The following CMTM4 variants were observed in gnomAD, a reference collection of about 807,000 sequenced individuals.
CMTM4 encodes the protein CKLF-like MARVEL transmembrane domain-containing protein 4.
Under a neutral mutation model 19.0 loss-of-function variants are expected in CMTM4, and 8 were observed. The observed-to-expected ratio is 0.42, with a 90% CI of 0.25 to 0.76. CMTM4 has a LOEUF of 0.76. Among genes scored for constraint, CMTM4 ranks in the 30% least tolerant of loss-of-function variants. The probability of loss-of-function intolerance (pLI) is 0.27; values close to 1 mark genes in which losing one functional copy is unlikely to be tolerated. For synonymous variants in CMTM4, 106 were observed against 121.1 expected, an observed-to-expected ratio of 0.88 and a Z score of 0.82; for missense variants, 228 against 290.2, an observed-to-expected ratio of 0.79 and a Z score of 1.56.
At chr16:66,635,245 T>A (rs2015968659) in intron 2 of CMTM4, among the ~76,000 whole-genome samples, 1 of 152,254 alleles carries the variant, frequency 6.6e-6, no homozygotes, top group South Asian at 2.1e-4. Context: ...TCTAGTTATC[T>A]TGAGGTTTTA....
In CMTM4 at chr16:66,627,008, T is replaced by A; in HGVS notation, c.364-3506A>T. Reference sequence around the variant, plus strand: ...GTCCCAGCTACTTGGAAGGCTGAGGTAGGAAGATTGTTTGAGCCCAGGAGG... The same window carrying A: ...GTCCCAGCTACTTGGAAGGCTGAGGAAGGAAGATTGTTTGAGCCCAGGAGG... On this transcript the variant is annotated intron_variant, in intron 2 of 3. Coordinates refer to ENST00000394106, the MANE Select transcript of CMTM4 (RefSeq NM_181521.3). 1.3e-5 allele frequency among the ~76,000 whole-genome samples: 2 copies of A among 151,670 alleles called. 1 individual carries two copies. The highest frequency in any genetic ancestry group is 3.9e-4 in the East Asian group (2 of 5,122).
chr16:66,643,652 T>C (rs1027111930), intron 1 of CMTM4, among the ~76,000 whole-genome samples: 6 of 152,224 alleles, frequency 3.9e-5, no homozygotes, highest in African/African-American at 1.4e-4. Flanking sequence ...GTTTTCTCCC[T>C]TTTTTGATGG....
intron 1 of CMTM4, among the ~76,000 whole-genome samples, chr16:66,662,290 G>A (rs1020052580): frequency 3.3e-5 from 5 of 152,134 alleles, no homozygotes; most frequent in Admixed American, 6.5e-5. Flanking sequence ...AGAGTTCAAA[G>A]CACCACAGAA....
intron 2 of CMTM4, among the ~76,000 whole-genome samples, chr16:66,634,626 TG>T (rs1217258751): frequency 4.6e-5 from 7 of 151,960 alleles, no homozygotes; most frequent in African/African-American, 1.7e-4. Flanking sequence ...GGGAACAGTG[TG>T]GGTAACATAA....
In CMTM4 at chr16:66,628,283, A is replaced by G. The variant is rs8058365; in HGVS notation, c.364-4781T>C. 2.0e-5 allele frequency among the ~76,000 whole-genome samples: 3 copies of G among 152,130 alleles called. No individual in the cohort carries two copies. The East Asian group carries it at 5.8e-4, about 29-fold the overall frequency. ...CTGCAAGAGGCCTTCCTCTTTTACT[A>G]ATCCTCCTCAGCACAGACCCTTTAC... On this transcript the variant is annotated intron_variant, in intron 2 of 3. Transcript: ENST00000394106.
the CMTM4 span, among the ~76,000 whole-genome samples, chr16:66,600,837 C>A: frequency 6.6e-6 from 1 of 152,306 alleles, no homozygotes; most frequent in East Asian, 1.9e-4. Context: ...TCAAGAAAGG[C>A]TTCTCTGAGG....
At chr16:66,668,527 ACTC>A (rs2016645831) in intron 1 of CMTM4, among the ~76,000 whole-genome samples, 3 of 152,092 alleles carry the variant, frequency 2.0e-5, no homozygotes, top group Admixed American at 1.3e-4. Flanking sequence ...ATTTGATTTA[ACTC>A]CTCATTTTTG....
intron 1 of CMTM4, among the ~76,000 whole-genome samples, chr16:66,683,180 T>TATATAC (rs1491498902): frequency 1.8e-4 from 15 of 85,664 alleles, no homozygotes; most frequent in East Asian, 4.0e-4. Flanking sequence ...TATATACATA[T>TATATAC]GTATATATAT....
At position 66,616,321 on chromosome 16, in the gene CMTM4, T is replaced by G. The variant is rs1274435882; in HGVS notation, c.*5737A>C. 2.0e-5 allele frequency: 3 copies of G among 152,226 alleles called. No homozygotes were observed. The highest frequency in any genetic ancestry group is 7.2e-5 in the African/African-American group (3 of 41,466). 9.4% of individuals were successfully genotyped at this position (152,226 alleles called of 1,614,324 possible). A position where few individuals can be genotyped will look rare whatever the true frequency, so the allele number is the denominator to read the frequency against. ...TAGTCATACTTGTAAATAAATAGTTTAGTGTTTCTGCCATGGGTTCCTGAA... is the reference window on the plus strand; with the variant it reads ...TAGTCATACTTGTAAATAAATAGTTGAGTGTTTCTGCCATGGGTTCCTGAA... On this transcript the variant is annotated 3_prime_UTR_variant, in exon 4 of 4. Transcript: ENST00000394106.
At chr16:66,663,389 C>A (rs1019075842) in intron 1 of CMTM4, among the ~76,000 whole-genome samples, 6 of 151,964 alleles carry the variant, frequency 3.9e-5, no homozygotes, top group Admixed American at 3.9e-4. Flanking sequence ...CCCTGCAGTC[C>A]CAGCTAATCA....
rs2015634176 is a variant in CMTM4 at position 66,621,521 on chromosome 16, C to T, written c.*537G>A. 5 of 986,606 alleles carry T rather than the reference C, an allele frequency of 5.1e-6. No homozygotes were observed. The South Asian group carries it at 2.3e-4, about 46-fold the overall frequency. The allele number at this position is 986,606 out of a possible 1,614,324, so 61.1% of individuals were successfully genotyped here. A position where few individuals can be genotyped will look rare whatever the true frequency, so the allele number is the denominator to read the frequency against. On this transcript the variant is annotated 3_prime_UTR_variant, in exon 4 of 4. Coordinates refer to ENST00000394106, the MANE Select transcript of CMTM4 (RefSeq NM_181521.3). ...GTCCCTGGGAGCCATCCTAACAGGA[C>T]ATCAGCTTTCCCCAGCCCTGTGGCC...
downstream of CMTM4, among the ~76,000 whole-genome samples, chr16:66,614,167 G>A (rs981844126): frequency 2.6e-4 from 39 of 152,218 alleles, no homozygotes; most frequent in Non-Finnish European, 4.3e-4. The surrounding 1 kb of genome is among the most constrained non-coding windows in gnomAD (Gnocchi z 4.9). Flanking sequence ...CGGTAATGCC[G>A]TTGCTTGCCA....
chr16:66,602,762 G>A, the CMTM4 span, among the ~76,000 whole-genome samples: 1 of 152,138 alleles, frequency 6.6e-6, no homozygotes, highest in African/African-American at 2.4e-5. Flanking sequence ...GGCCAAGCTG[G>A]TCTCGAACTC....
intron 1 of CMTM4, among the ~76,000 whole-genome samples, chr16:66,670,559 T>C (rs2016685579): frequency 6.6e-6 from 1 of 151,882 alleles, no homozygotes; most frequent in Admixed American, 6.6e-5. Context: ...CCCAGCACTT[T>C]GGGAGGCCGA....
In CMTM4 at chr16:66,620,343, G is replaced by A. The variant is rs200399795; in HGVS notation, c.*1715C>T. The A allele has an allele frequency of 5.4e-5, 53 of 985,478 alleles. No individual in the cohort carries two copies. In the East Asian group the frequency reaches 4.4e-3, roughly 82 times the overall value. 61.0% of individuals were successfully genotyped at this position (985,478 alleles called of 1,614,324 possible). ...CTCTCTGTGGGAGCAGAGGGGAGAC[G>A]AGTTGTTAACAGGCTAGCAGGGTCA... On this transcript the variant is annotated 3_prime_UTR_variant, in exon 4 of 4. Transcript: ENST00000394106.
chr16:66,659,495 G>GT (rs1487701803), intron 1 of CMTM4, among the ~76,000 whole-genome samples: 1 of 152,144 alleles, frequency 6.6e-6, no homozygotes, highest in Non-Finnish European at 1.5e-5. Flanking sequence ...GAGGGCTGTT[G>GT]TAAGATTAAG....
chr16:66,686,804 T>C (rs2017041966), intron 1 of CMTM4, among the ~76,000 whole-genome samples: 1 of 152,210 alleles, frequency 6.6e-6, no homozygotes, highest in South Asian at 2.1e-4. Context: ...GTAAAAGCAC[T>C]CCTTGAAATT....
At chr16:66,665,262 TAAAAAAAAAAAA>T (rs71145929) in intron 1 of CMTM4, among the ~76,000 whole-genome samples, 8 of 59,710 alleles carry the variant, frequency 1.3e-4, no homozygotes, top group African/African-American at 3.7e-4. Flanking sequence ...CCCTGTTTCT[TAAAAAAAAAAAA>T]AAAAAAAAAA....
chr16:66,623,514 G>A lies in CMTM4; in HGVS notation c.364-12C>T, dbSNP rs375476976. Reference sequence around the variant, plus strand: ...GTGTTGACCAAATCCTAAAGGGAGAGACAAAATAAACCAAGTGAAAAGAAC... The same window carrying A: ...GTGTTGACCAAATCCTAAAGGGAGAAACAAAATAAACCAAGTGAAAAGAAC... On this transcript the variant is annotated splice_polypyrimidine_tract_variant and intron_variant, in intron 2 of 3. Transcript: ENST00000394106. The A allele has an allele frequency of 3.2e-6, 5 of 1,569,618 alleles. No homozygotes were observed. Among genetic ancestry groups the A allele is most frequent in the Non-Finnish European group, 4.3e-6 (5 of 1,151,048 alleles).
Sources: gnomAD v4.1 joint callset for allele counts (sites outside exome capture counted in the v4.1 genomes callset) on GRCh38, gnomAD v4.1.1 for gene constraint, Gnocchi (gnomAD v3.1) non-coding constraint, MANE v1.5 for transcripts, NCBI Gene and HGNC (gene_info 2026-07-23, HGNC 2026-07-21) for gene names.